Variants in SNX6 observed in about 807,000 individuals in gnomAD.
The protein encoded by SNX6 is sorting nexin 6, also known as sorting nexin-6.
In SNX6, 34 loss-of-function variants were observed where a neutral mutation model predicts 63.0. That is an observed-to-expected ratio of 0.54 (90% CI 0.41 to 0.72). The LOEUF (loss-of-function observed/expected upper bound fraction) is 0.72, where lower values mean the gene tolerates loss of function less well. Ranked by LOEUF, SNX6 falls within the 30% of genes least tolerant of loss-of-function variation. The pLI, the probability that SNX6 is intolerant of heterozygous loss-of-function variation, is 0.00. For missense variants in SNX6, 398 were observed against 471.4 expected, an observed-to-expected ratio of 0.84 and a Z score of 1.44; for synonymous variants, 170 against 164.2, an observed-to-expected ratio of 1.04 and a Z score of -0.27.
At chr14:34,607,769 G>A (rs1039504446) in intron 4 of SNX6, among the ~76,000 whole-genome samples, 7 of 152,186 alleles carry the variant, frequency 4.6e-5, no homozygotes, top group Non-Finnish European at 8.8e-5. Flanking sequence ...TTAGCTGGGT[G>A]TGTTGGTGCA....
intron 2 of SNX6, among the ~76,000 whole-genome samples, chr14:34,625,525 G>T (rs1343324424): frequency 6.6e-6 from 1 of 152,016 alleles, no homozygotes; most frequent in Non-Finnish European, 1.5e-5. Context: ...CTGTGGTCAG[G>T]AGTTTGAGAC....
intron 11 of SNX6, chr14:34,568,947 T>A: frequency 7.4e-7 from 1 of 1,359,676 alleles, no homozygotes; most frequent in Non-Finnish European, 1.1e-6. Flanking sequence ...GGTGCCACGC[T>A]GTGGAAGCAG....
At chr14:34,571,420 G>A (rs1177057310) in intron 11 of SNX6, among the ~76,000 whole-genome samples, 1 of 151,996 alleles carries the variant, frequency 6.6e-6, no homozygotes, top group Non-Finnish European at 1.5e-5. Context: ...GTGACAGAGT[G>A]AGACTCCGTC....
intron 11 of SNX6, among the ~76,000 whole-genome samples, chr14:34,572,974 A>G (rs1881518060): frequency 1.3e-5 from 2 of 151,220 alleles, no homozygotes; most frequent in East Asian, 3.9e-4. Context: ...GAGCCACCGC[A>G]CCTGGCCTCG....
intron 8 of SNX6, among the ~76,000 whole-genome samples, chr14:34,592,151 G>A (rs1413153086): frequency 6.6e-6 from 1 of 152,190 alleles, no homozygotes; most frequent in African/African-American, 2.4e-5. Context: ...ACTTTGGAAG[G>A]CCAAGGCGGG....
chr14:34,568,799 GC>G, intron 11 of SNX6: 1 of 990,934 alleles, frequency 1.0e-6, no homozygotes, highest in Non-Finnish European at 1.6e-6. Flanking sequence ...ACCATTTTTA[GC>G]CCCTCCAGGG....
At chr14:34,567,254 A>C (rs556351651) in intron 13 of SNX6, among the ~76,000 whole-genome samples, 39 of 152,156 alleles carry the variant, frequency 2.6e-4, no homozygotes, top group African/African-American at 9.1e-4. Flanking sequence ...TGGGAGGCTG[A>C]GGCAGGAGGA....
At chr14:34,615,700 A>C (rs1883393013) in intron 2 of SNX6, among the ~76,000 whole-genome samples, 1 of 151,478 alleles carries the variant, frequency 6.6e-6, no homozygotes, top group Admixed American at 6.6e-5. Flanking sequence ...TCTACTGTCA[A>C]ACTCCTGGCT....
chr14:34,583,429 A>ATT lies in SNX6; in HGVS notation c.795-1831_795-1830dup, dbSNP rs777842190. 8.1e-5 allele frequency among the ~76,000 whole-genome samples: 6 copies of ATT among 73,780 alleles called. No homozygotes were observed. In the East Asian group the frequency reaches 2.4e-3, roughly 29 times the overall value. 48.4% of individuals were successfully genotyped at this position (73,780 alleles called of 152,430 possible). A position where few individuals can be genotyped will look rare whatever the true frequency, so the allele number is the denominator to read the frequency against. ...ATTCTTAAGTAGAAATTGGTTATTCATTTTTTTCTTTTTTTTTTTTTTGAG... is the reference window on the plus strand; with the variant it reads ...ATTCTTAAGTAGAAATTGGTTATTCATTTTTTTTTCTTTTTTTTTTTTTTGAG... On this transcript the variant is annotated intron_variant, in intron 9 of 13. Coordinates refer to ENST00000362031, the MANE Select transcript of SNX6 (RefSeq NM_152233.4).
intron 2 of SNX6, among the ~76,000 whole-genome samples, chr14:34,627,123 GTA>G (rs1271943309): frequency 6.6e-6 from 1 of 151,996 alleles, no homozygotes; most frequent in Non-Finnish European, 1.5e-5. Flanking sequence ...AGGACTACAG[GTA>G]TATACCACCA....
At chr14:34,589,208 C>A (rs564270742) in intron 8 of SNX6, among the ~76,000 whole-genome samples, 2 of 152,212 alleles carry the variant, frequency 1.3e-5, no homozygotes, top group East Asian at 1.9e-4. Context: ...GTAATCCCAG[C>A]ACTTTGGGGG....
At chr14:34,612,104 G>A (rs1161169658) in intron 2 of SNX6, among the ~76,000 whole-genome samples, 1 of 151,800 alleles carries the variant, frequency 6.6e-6, no homozygotes, top group African/African-American at 2.4e-5. Context: ...ATCACATTCA[G>A]GCTTTTTGTT....
intron 10 of SNX6, among the ~76,000 whole-genome samples, chr14:34,578,937 C>CAAAAAAAAAAAAAAAAAAAAAAAAAAA (rs71121210): frequency 4.4e-5 from 1 of 22,542 alleles, no homozygotes; most frequent in Non-Finnish European, 9.3e-5. Context: ...GACTTCATCT[C>CAAAAAAAAAAAAAAAAAAAAAAAAAAA]AAAAAAAAAA....
chr14:34,573,809 AT>A (rs545847455), intron 11 of SNX6, among the ~76,000 whole-genome samples: 385 of 151,154 alleles, frequency 2.5e-3, no homozygotes, highest in African/African-American at 9.0e-3. Context: ...TGCCTGGCTA[AT>A]TTTTGTATTT....
intron 10 of SNX6, 117 bp downstream of exon 10, chr14:34,581,444 C>A: frequency 1.9e-6 from 1 of 537,512 alleles, no homozygotes; most frequent in South Asian, 3.6e-5. Context: ...GAGCCACGTG[C>A]CTGGCCAATA....
chr14:34,566,134 C>G (rs142050468), intron 13 of SNX6, among the ~76,000 whole-genome samples: 1 of 152,300 alleles, frequency 6.6e-6, no homozygotes, highest in East Asian at 1.9e-4. Flanking sequence ...ACATTAGAAA[C>G]CAGCTCAGGC....
chr14:34,600,456 TTA>T (rs1201095145), intron 6 of SNX6, among the ~76,000 whole-genome samples: 1 of 151,710 alleles, frequency 6.6e-6, no homozygotes, highest in African/African-American at 2.4e-5. Flanking sequence ...TTTTTTTTTT[TTA>T]AAAAGAGACA....
At chr14:34,578,361 A>G (rs1352926648) in intron 10 of SNX6, among the ~76,000 whole-genome samples, 2 of 151,808 alleles carry the variant, frequency 1.3e-5, no homozygotes, top group African/African-American at 4.8e-5. Flanking sequence ...GCACCTTAAT[A>G]AGGCTCATGC....
At chr14:34,629,527 G>A (rs981416963) in intron 2 of SNX6, 170 of 512,212 alleles carry the variant, frequency 3.3e-4, no homozygotes, top group Non-Finnish European at 5.1e-4. Flanking sequence ...GGTGAAAATT[G>A]AGGGTGCCGC....
Sources: gnomAD v4.1 joint callset for allele counts (sites outside exome capture counted in the v4.1 genomes callset) on GRCh38, gnomAD v4.1.1 for gene constraint, MANE v1.5 for transcripts, NCBI Gene and HGNC (gene_info 2026-07-23, HGNC 2026-07-21) for gene names.